Variants in GRM3 observed in about 807,000 individuals in gnomAD.
GRM3 encodes the protein metabotropic glutamate receptor 3.
In GRM3, 26 loss-of-function variants were observed where a neutral mutation model predicts 70.5. The observed-to-expected ratio is 0.37, with a 90% CI of 0.27 to 0.51. The LOEUF (loss-of-function observed/expected upper bound fraction) is 0.51. Among genes scored for constraint, GRM3 ranks in the 20% least tolerant of loss-of-function variants. GRM3 has a pLI of 0.93. For missense variants in GRM3, 859 were observed against 1,123.8 expected (o/e 0.76, Z 3.37); for synonymous variants, 443 against 434.9 (o/e 1.02, Z -0.23).
At chr7:86,835,254 G>A (rs1376981395) in intron 3 of GRM3, among the ~76,000 whole-genome samples, 1 of 151,802 alleles carries the variant, frequency 6.6e-6, no homozygotes, top group Non-Finnish European at 1.5e-5. Flanking sequence ...CATTTTAAAA[G>A]GTGTACGATA....
At chr7:86,662,897 AT>A (rs58564073) in intron 1 of GRM3, among the ~76,000 whole-genome samples, 5,355 of 151,096 alleles carry the variant, frequency 0.035, 314 homozygotes, top group African/African-American at 0.12. Context: ...CTCCATTTAG[AT>A]TTTTTTTTGC....
At chr7:86,808,435 T>C (rs981357762) in intron 3 of GRM3, among the ~76,000 whole-genome samples, 1 of 152,020 alleles carries the variant, frequency 6.6e-6, no homozygotes, top group African/African-American at 2.4e-5. Flanking sequence ...CCTTAGACTC[T>C]GGAAATTAAG....
At chr7:86,746,814 T>C (rs1796115535) in intron 1 of GRM3, among the ~76,000 whole-genome samples, 2 of 152,076 alleles carry the variant, frequency 1.3e-5, no homozygotes, top group Admixed American at 6.6e-5. Flanking sequence ...TTTTGAATAA[T>C]AGGGTTGGCA....
chr7:86,742,460 A>G (rs973825636), intron 1 of GRM3, among the ~76,000 whole-genome samples: 9 of 152,166 alleles, frequency 5.9e-5, no homozygotes, highest in Non-Finnish European at 1.2e-4. Context: ...ACTTCTCTTG[A>G]AGACAGAGTG....
At chr7:86,791,308 T>A (rs901378339) in intron 3 of GRM3, among the ~76,000 whole-genome samples, 2 of 152,182 alleles carry the variant, frequency 1.3e-5, no homozygotes, top group Non-Finnish European at 2.9e-5. Flanking sequence ...TTTGAAAAAA[T>A]TTTAATATAT....
At chr7:86,850,677 C>T (rs942522893) in intron 5 of GRM3, 133 bp downstream of exon 5, 1 of 680,808 alleles carries the variant, frequency 1.5e-6, no homozygotes, top group East Asian at 2.6e-5. Flanking sequence ...GATTTAAACA[C>T]TGTGAGTCAG....
chr7:86,644,861 TGTC>T lies in GRM3; in HGVS notation c.-150_-148del, dbSNP rs1793416558. Reference sequence around the variant, plus strand: ...GTCAGCTCCAGTTCCTGCCAGGAGTTGTCGGTGCGAGGTAAGGGTCCCAGAGGA... The same window carrying T: ...GTCAGCTCCAGTTCCTGCCAGGAGTTGGTGCGAGGTAAGGGTCCCAGAGGA... On this transcript the variant is annotated 5_prime_UTR_variant, in exon 1 of 6. Transcript: ENST00000361669. 1.6e-6 allele frequency: 2 copies of T among 1,288,774 alleles called. No homozygotes were observed. The highest frequency in any genetic ancestry group is 1.5e-5 in the African/African-American group (1 of 65,812). The allele number at this position is 1,288,774 out of a possible 1,614,324, so 79.8% of individuals were successfully genotyped here. A position where few individuals can be genotyped will look rare whatever the true frequency, so the allele number is the denominator to read the frequency against.
In GRM3 at chr7:86,644,683, G is replaced by A. The variant is rs1347061488; in HGVS notation, c.-330G>A. 4 of 711,350 alleles carry A rather than the reference G, an allele frequency of 5.6e-6. No individual in the cohort carries two copies. Among genetic ancestry groups the A allele is most frequent in the African/African-American group, 3.6e-5 (2 of 54,996 alleles). The allele number at this position is 711,350 out of a possible 1,614,324, so 44.1% of individuals were successfully genotyped here. ...GCAGGGGGCACTGTGACAGGAAGCTGCGCGCACAAGTTGGCCATTTCGAGG... is the reference window on the plus strand; with the variant it reads ...GCAGGGGGCACTGTGACAGGAAGCTACGCGCACAAGTTGGCCATTTCGAGG... On this transcript the variant is annotated 5_prime_UTR_variant, in exon 1 of 6. Transcript: ENST00000361669.
intron 2 of GRM3, among the ~76,000 whole-genome samples, chr7:86,784,833 G>T (rs1275873818): frequency 6.6e-6 from 1 of 152,188 alleles, no homozygotes; most frequent in Non-Finnish European, 1.5e-5. Flanking sequence ...TTGAGAGGTA[G>T]CAGGATTGGA....
At chr7:86,664,757 C>T (rs1793982166) in intron 1 of GRM3, among the ~76,000 whole-genome samples, 1 of 151,932 alleles carries the variant, frequency 6.6e-6, no homozygotes, top group African/African-American at 2.4e-5. Context: ...GATTCACCAA[C>T]ACAACTGCAA....
At chr7:86,720,660 C>T (rs938311246) in intron 1 of GRM3, among the ~76,000 whole-genome samples, 21 of 152,088 alleles carry the variant, frequency 1.4e-4, no homozygotes, top group African/African-American at 5.1e-4. Context: ...AATTTTCATT[C>T]TGCCAGAGAG....
chr7:86,821,780 T>C (rs926958930), intron 3 of GRM3, among the ~76,000 whole-genome samples: 1 of 152,184 alleles, frequency 6.6e-6, no homozygotes, highest in African/African-American at 2.4e-5. Flanking sequence ...ATCACTTGTT[T>C]ACTAGCATTC....
chr7:86,818,679 C>T (rs1170447788), intron 3 of GRM3, among the ~76,000 whole-genome samples: 2 of 151,960 alleles, frequency 1.3e-5, no homozygotes, highest in African/African-American at 4.8e-5. Context: ...GGAAAGTATC[C>T]AGTAGACTAA....
chr7:86,781,590 C>A lies in GRM3; in HGVS notation c.469-4671C>A, dbSNP rs1042033186. On this transcript the variant is annotated intron_variant, in intron 2 of 5. Coordinates refer to ENST00000361669, the MANE Select transcript of GRM3 (RefSeq NM_000840.3). ...GAAAATCAAGAGACTGAGCTCTAAT[C>A]TTAGGCTTTCTGCCTATTAGTTGTC... Among the ~76,000 whole-genome samples the A allele has an allele frequency of 2.0e-5, 3 of 152,246 alleles. No homozygotes were observed. In the South Asian group the frequency reaches 6.2e-4, roughly 32 times the overall value.
Position 86,691,206 on chromosome 7 carries a change from A to C in GRM3, c.-141+46334A>C, listed in dbSNP as rs528224693. 2.0e-5 allele frequency among the ~76,000 whole-genome samples: 3 copies of C among 152,232 alleles called. No individual in the cohort carries two copies. In the East Asian group the frequency reaches 5.8e-4, roughly 29 times the overall value. ...CTAAATAATTTTCATAATTTCCACC[A>C]CTACAACCTGCCCAGGTCATCTTGA... On this transcript the variant is annotated intron_variant, in intron 1 of 5. Transcript: ENST00000361669.
chr7:86,862,978 G>A (rs1474609375), intron 5 of GRM3, among the ~76,000 whole-genome samples: 1 of 152,160 alleles, frequency 6.6e-6, no homozygotes, highest in Non-Finnish European at 1.5e-5. Context: ...TGGGACAGAT[G>A]GCTGGTCAAT....
intron 1 of GRM3, among the ~76,000 whole-genome samples, chr7:86,753,226 C>T (rs1796270400): frequency 6.6e-6 from 1 of 152,026 alleles, no homozygotes; most frequent in South Asian, 2.1e-4. Context: ...ATCCTCACTC[C>T]AACAATTTTA....
intron 1 of GRM3, among the ~76,000 whole-genome samples, chr7:86,743,056 T>A (rs1796024259): frequency 1.3e-5 from 2 of 152,168 alleles, no homozygotes; most frequent in South Asian, 2.1e-4. Flanking sequence ...ATAAAGCTAT[T>A]ATTAAAACCC....
chr7:86,792,843 A>T (rs1797452909), intron 3 of GRM3, among the ~76,000 whole-genome samples: 1 of 152,008 alleles, frequency 6.6e-6, no homozygotes, highest in Non-Finnish European at 1.5e-5. Context: ...CCCAGAAAAG[A>T]TCTAGGATCC....
Sources: gnomAD v4.1 joint callset for allele counts (sites outside exome capture counted in the v4.1 genomes callset) on GRCh38, gnomAD v4.1.1 for gene constraint, MANE v1.5 for transcripts, NCBI Gene and HGNC (gene_info 2026-07-23, HGNC 2026-07-21) for gene names.